Variants in RPS6KA2 observed in about 807,000 individuals in gnomAD.
RPS6KA2 encodes the protein ribosomal protein S6 kinase A2, also known as ribosomal protein S6 kinase alpha-2.
In RPS6KA2, 42 loss-of-function variants were observed where a neutral mutation model predicts 91.8. The ratio of observed to expected loss-of-function variants is 0.46; its 90% CI spans 0.36 to 0.59. The LOEUF (loss-of-function observed/expected upper bound fraction) is 0.59, where lower values mean the gene tolerates loss of function less well. Ranked by LOEUF, RPS6KA2 falls within the 20% of genes least tolerant of loss-of-function variation. The probability of loss-of-function intolerance (pLI) is 0.00; values close to 1 mark genes in which losing one functional copy is unlikely to be tolerated. For synonymous variants in RPS6KA2, 414 were observed against 393.6 expected (o/e 1.05, Z -0.61); for missense variants, 798 against 978.5 (o/e 0.82, Z 2.46).
chr6:166,550,086 A>G (rs1179712408), intron 1 of RPS6KA2, among the ~76,000 whole-genome samples: 1 of 152,256 alleles, frequency 6.6e-6, no homozygotes, highest in Non-Finnish European at 1.5e-5. Context: ...CATTTTTACA[A>G]GGTAGGAAAA....
In RPS6KA2 at chr6:166,533,743, C is replaced by A. The variant is rs1016418238; in HGVS notation, c.217-2430G>T. Among the ~76,000 whole-genome samples the A allele has an allele frequency of 6.6e-6, 1 of 152,232 alleles. No homozygotes were observed. On this transcript the variant is annotated intron_variant, in intron 2 of 20. Transcript: ENST00000265678. This position sits in a 1 kb window ranked among gnomAD's most constrained non-coding sequence, Gnocchi z 4.0. ...ACAGATGAATCTATCCATTCCATTGCGGCGAAGCTGACATGTTAGCTCCCA... is the reference window on the plus strand; with the variant it reads ...ACAGATGAATCTATCCATTCCATTGAGGCGAAGCTGACATGTTAGCTCCCA...
intron 1 of RPS6KA2, among the ~76,000 whole-genome samples, chr6:166,610,453 T>TG: frequency 6.6e-6 from 1 of 152,376 alleles, no homozygotes; most frequent in East Asian, 1.9e-4. Context: ...GAATTCATGA[T>TG]GGTTAATACA....
At chr6:166,611,733 C>T (rs2128533533) in intron 1 of RPS6KA2, among the ~76,000 whole-genome samples, 1 of 152,324 alleles carries the variant, frequency 6.6e-6, no homozygotes, top group South Asian at 2.1e-4. Context: ...TGTGTTGGCA[C>T]CATCCTTAAG....
At chr6:166,511,025 G>A (rs1782464033) in intron 3 of RPS6KA2, among the ~76,000 whole-genome samples, 1 of 152,090 alleles carries the variant, frequency 6.6e-6, no homozygotes, top group South Asian at 2.1e-4. Flanking sequence ...TAAACTGGAG[G>A]CGTGATAAGA....
At chr6:166,828,526 CAT>C (rs1249621517) in intron 2 of RPS6KA2, among the ~76,000 whole-genome samples, 4 of 152,196 alleles carry the variant, frequency 2.6e-5, no homozygotes, top group Admixed American at 6.5e-5. Context: ...AAATTTATCA[CAT>C]AAAAATCTAA....
At chr6:166,668,889 T>C (rs1788394037) in intron 2 of RPS6KA2, among the ~76,000 whole-genome samples, 1 of 131,142 alleles carries the variant, frequency 7.6e-6, no homozygotes. Flanking sequence ...CCTTCCTTTC[T>C]TTCTTTTCTT....
intron 3 of RPS6KA2, among the ~76,000 whole-genome samples, chr6:166,519,404 T>C (rs538394761): frequency 6.6e-6 from 1 of 152,368 alleles, no homozygotes; most frequent in East Asian, 1.9e-4. Flanking sequence ...TAATAAATGG[T>C]AGGCACTGGG....
chr6:166,551,467 AC>A (rs1482860537), intron 1 of RPS6KA2, among the ~76,000 whole-genome samples: 1 of 152,192 alleles, frequency 6.6e-6, no homozygotes, highest in East Asian at 1.9e-4. Flanking sequence ...GACGATTCTT[AC>A]GAATGGAAGC....
At chr6:166,555,962 G>A (rs924461213) in intron 1 of RPS6KA2, among the ~76,000 whole-genome samples, 1 of 152,162 alleles carries the variant, frequency 6.6e-6, no homozygotes, top group African/African-American at 2.4e-5. Flanking sequence ...GTTGCTAAGT[G>A]GGGTATCTGG....
intron 2 of RPS6KA2, among the ~76,000 whole-genome samples, chr6:166,672,938 C>T (rs556750159): frequency 2.6e-5 from 4 of 152,150 alleles, no homozygotes; most frequent in Admixed American, 6.5e-5. Context: ...TGGCTTGGAG[C>T]GTGGGTTTGA....
intron 2 of RPS6KA2, among the ~76,000 whole-genome samples, chr6:166,532,908 C>T (rs1446885650): frequency 2.0e-5 from 3 of 152,072 alleles, no homozygotes; most frequent in Non-Finnish European, 2.9e-5. Flanking sequence ...AGCCCTGGGG[C>T]GATAGCTGGG....
chr6:166,422,850 G>A (rs532911384), intron 17 of RPS6KA2, among the ~76,000 whole-genome samples: 4 of 152,228 alleles, frequency 2.6e-5, no homozygotes, highest in East Asian at 1.9e-4. Context: ...GAGAAAATCC[G>A]TAAACTTAGT....
intron 1 of RPS6KA2, among the ~76,000 whole-genome samples, chr6:166,595,099 T>C (rs559069189): frequency 1.3e-5 from 2 of 152,190 alleles, no homozygotes; most frequent in South Asian, 4.2e-4. Context: ...TCATCCAGGC[T>C]GGAGTGTGAT....
intron 3 of RPS6KA2, among the ~76,000 whole-genome samples, chr6:166,525,871 G>A (rs7754651): frequency 0.01 from 1,543 of 152,262 alleles, 19 homozygotes; most frequent in African/African-American, 0.035. Context: ...GGTGGAGAAC[G>A]GGTTAGGAGA....
At chr6:166,593,139 G>A (rs1406335913) in intron 1 of RPS6KA2, among the ~76,000 whole-genome samples, 1 of 152,200 alleles carries the variant, frequency 6.6e-6, no homozygotes, top group African/African-American at 2.4e-5. Context: ...GCGGCATGAA[G>A]TCAAAGGAGA....
In RPS6KA2 at chr6:166,469,890, C is replaced by G; in HGVS notation, c.923G>C (p.Gly308Ala). 6.2e-7 allele frequency: 1 copy of G among 1,614,114 alleles called. No homozygotes were observed. The highest frequency in any genetic ancestry group is 8.5e-7 in the Non-Finnish European group (1 of 1,179,926). ...GGGATGGCGCTTAATTTCCTCCACT[C>G]CGTCAATGCCAGCACCTGTCAACAA... ...PCNRLGAGIDGVEEIKRHPFF... is the reference protein window; with the variant it reads ...PCNRLGAGIDAVEEIKRHPFF... Residue 308 changes from glycine to alanine, a missense_variant, in exon 11 of 21, where the codon GGA becomes GCA. By Grantham distance (60) the Gly-to-Ala change is moderately conservative. Transcript: ENST00000265678.
chr6:166,672,938 C>A (rs556750159), intron 2 of RPS6KA2, among the ~76,000 whole-genome samples: 2 of 152,268 alleles, frequency 1.3e-5, no homozygotes, highest in African/African-American at 4.8e-5. Flanking sequence ...TGGCTTGGAG[C>A]GTGGGTTTGA....
chr6:166,826,020 A>G (rs1780041300), intron 2 of RPS6KA2, among the ~76,000 whole-genome samples: 1 of 152,216 alleles, frequency 6.6e-6, no homozygotes. Flanking sequence ...GGCAAGCACA[A>G]CAATGAGTCA....
chr6:166,416,020 C>T (rs1166399850), intron 19 of RPS6KA2, among the ~76,000 whole-genome samples: 26 of 148,262 alleles, frequency 1.8e-4, no homozygotes, highest in Admixed American at 5.4e-4. Flanking sequence ...CCCACCATTA[C>T]GCTCACCATC....
Sources: gnomAD v4.1 joint callset for allele counts (sites outside exome capture counted in the v4.1 genomes callset) on GRCh38, gnomAD v4.1.1 for gene constraint, Gnocchi (gnomAD v3.1) non-coding constraint, MANE v1.5 for transcripts, NCBI Gene and HGNC (gene_info 2026-07-23, HGNC 2026-07-21) for gene names.